Variants in ENTPD3 observed in about 807,000 individuals in gnomAD.
ENTPD3 encodes the protein ectonucleoside triphosphate diphosphohydrolase 3.
ENTPD3 carries 60 observed loss-of-function variants against 51.2 expected under a neutral mutation model. The observed-to-expected ratio is 1.17, with a 90% CI of 0.95 to 1.45. The LOEUF (loss-of-function observed/expected upper bound fraction) is 1.45. Ranked by LOEUF, ENTPD3 falls within the 40% of genes most tolerant of loss-of-function variation. The pLI, the probability that ENTPD3 is intolerant of heterozygous loss-of-function variation, is 0.00. For synonymous variants in ENTPD3, 221 were observed against 238.4 expected (o/e 0.93, Z 0.67); for missense variants, 593 against 641.1 (o/e 0.93, Z 0.81).
intron 4 of ENTPD3, among the ~76,000 whole-genome samples, chr3:40,408,937 T>A (rs1272053398): frequency 6.6e-6 from 1 of 151,932 alleles, no homozygotes; most frequent in African/African-American, 2.4e-5. Context: ...TTTCTTTTTT[T>A]AGGATTAATA....
intron 3 of ENTPD3, among the ~76,000 whole-genome samples, chr3:40,398,669 G>C (rs578017180): frequency 6.6e-6 from 1 of 152,302 alleles, no homozygotes; most frequent in African/African-American, 2.4e-5. Flanking sequence ...AGTGAACACA[G>C]ATGTTCTATT....
intron 4 of ENTPD3, among the ~76,000 whole-genome samples, chr3:40,409,483 T>C (rs1349328660): frequency 6.6e-6 from 1 of 152,208 alleles, no homozygotes. Flanking sequence ...TGAGAAAGCC[T>C]GTCCTTGCTT....
At chr3:40,391,166 A>T (rs964111549) in intron 2 of ENTPD3, 5 of 151,708 alleles carry the variant, frequency 3.3e-5, no homozygotes, top group African/African-American at 9.7e-5. Context: ...GTTTCACCAT[A>T]TTGGCCAGGC....
chr3:40,422,869 ATC>A lies in ENTPD3; in HGVS notation c.854_855del (p.Leu285HisfsTer10). 3 of 1,612,858 alleles carry A rather than the reference ATC, an allele frequency of 1.9e-6. No individual in the cohort carries two copies. The highest frequency in any genetic ancestry group is 2.5e-6 in the Non-Finnish European group (3 of 1,179,856). ...CTACAGAATTCTCCTACCAAAAACC[ATC>A]TCACCAATCCCTGTTACCCTCGGGA... On this transcript the variant is annotated frameshift_variant, in exon 8 of 11. Coordinates refer to ENST00000301825, the MANE Select transcript of ENTPD3 (RefSeq NM_001248.4). LOFTEE classifies it high-confidence loss of function.
intron 3 of ENTPD3, among the ~76,000 whole-genome samples, chr3:40,400,264 CAAAA>C (rs374610863): frequency 2.8e-5 from 2 of 72,594 alleles, no homozygotes; most frequent in Non-Finnish European, 6.9e-5. Context: ...AACTGCATCT[CAAAA>C]AAAAAAAAAA....
Position 40,397,119 on chromosome 3 carries a change from C to CTTTTTTTTTTTTTTTTTTTTTTTTTT in ENTPD3, c.169-3755_169-3754insTTTTTTTTTTTTTTTTTTTTTTTTTT, listed in dbSNP as rs3064608. ...AGAGTAAGAGTTGGATAATTAGTTT[C>CTTTTTTTTTTTTTTTTTTTTTTTTTT]TTTTTTTTTTTTTTTTTTTTCAGAA... On this transcript the variant is annotated intron_variant, in intron 3 of 10. Coordinates refer to ENST00000301825, the MANE Select transcript of ENTPD3 (RefSeq NM_001248.4). Among the ~76,000 whole-genome samples the CTTTTTTTTTTTTTTTTTTTTTTTTTT allele has an allele frequency of 2.0e-5, 2 of 101,242 alleles. 1 individual carries two copies. The highest frequency in any genetic ancestry group is 3.6e-5 in the Non-Finnish European group (2 of 55,062). The allele number at this position is 101,242 out of a possible 152,430, so 66.4% of individuals were successfully genotyped here. A position where few individuals can be genotyped will look rare whatever the true frequency, so the allele number is the denominator to read the frequency against.
At chr3:40,415,087 G>T (rs1196663777) in intron 6 of ENTPD3, among the ~76,000 whole-genome samples, 3 of 152,166 alleles carry the variant, frequency 2.0e-5, no homozygotes, top group African/African-American at 7.2e-5. Flanking sequence ...TAGCTTGTAA[G>T]AAATTGAAGG....
intron 3 of ENTPD3, among the ~76,000 whole-genome samples, chr3:40,395,458 G>A (rs2125589928): frequency 6.6e-6 from 1 of 152,300 alleles, no homozygotes; most frequent in African/African-American, 2.4e-5. Context: ...GATCATCTGG[G>A]GATGATCCCA....
At chr3:40,412,771 T>A (rs1416360510) in intron 5 of ENTPD3, among the ~76,000 whole-genome samples, 1 of 152,180 alleles carries the variant, frequency 6.6e-6, no homozygotes, top group African/African-American at 2.4e-5. Context: ...TTTAACATGA[T>A]AATGAAAAGA....
intron 7 of ENTPD3, among the ~76,000 whole-genome samples, chr3:40,422,156 A>ACC (rs1009787450): frequency 6.6e-5 from 10 of 151,546 alleles, no homozygotes; most frequent in African/African-American, 2.4e-4. Context: ...ACACACACAC[A>ACC]CACCCTTTTC....
chr3:40,422,064 G>A (rs1406093254), intron 7 of ENTPD3, among the ~76,000 whole-genome samples: 1 of 151,942 alleles, frequency 6.6e-6, no homozygotes, highest in Non-Finnish European at 1.5e-5. Context: ...CTGGTTCATA[G>A]GGCTATCATA....
At chr3:40,426,112 T>C (rs1026534115) in intron 10 of ENTPD3, among the ~76,000 whole-genome samples, 5 of 143,374 alleles carry the variant, frequency 3.5e-5, no homozygotes, top group African/African-American at 1.0e-4. Context: ...CTTTTCTTTT[T>C]TTTTTTTTTT....
chr3:40,409,006 C>T (rs961040917), intron 4 of ENTPD3, among the ~76,000 whole-genome samples: 11 of 151,558 alleles, frequency 7.3e-5, no homozygotes, highest in African/African-American at 2.7e-4. Context: ...TCCTGTAATC[C>T]CAGCACTTTG....
chr3:40,402,993 C>A (rs1955403944), intron 4 of ENTPD3, among the ~76,000 whole-genome samples: 1 of 152,076 alleles, frequency 6.6e-6, no homozygotes, highest in Admixed American at 6.6e-5. Context: ...CTGAATGTGC[C>A]CAGTGTATCC....
At chr3:40,415,073 T>C (rs1338746594) in intron 6 of ENTPD3, among the ~76,000 whole-genome samples, 6 of 152,168 alleles carry the variant, frequency 3.9e-5, no homozygotes, top group Non-Finnish European at 7.3e-5. Flanking sequence ...TCTTGTCACT[T>C]TACTAGCTTG....
chr3:40,406,272 TGGA>T (rs1955494428), intron 4 of ENTPD3, among the ~76,000 whole-genome samples: 8 of 152,240 alleles, frequency 5.3e-5, no homozygotes. Context: ...AGGCCAAGCA[TGGA>T]AGCTGCTCAG....
At chr3:40,394,238 C>T (rs560945261) in intron 3 of ENTPD3, 3 of 224,618 alleles carry the variant, frequency 1.3e-5, no homozygotes, top group African/African-American at 7.0e-5. Context: ...CCTCAGCCTC[C>T]CAAGTAGCTA....
chr3:40,411,468 ATT>A (rs1194528268), intron 4 of ENTPD3, among the ~76,000 whole-genome samples: 2 of 152,200 alleles, frequency 1.3e-5, no homozygotes, highest in East Asian at 3.8e-4. Context: ...CAAGTGGAAG[ATT>A]GTATGGATGA....
chr3:40,412,748 C>G (rs998576308), intron 5 of ENTPD3, among the ~76,000 whole-genome samples: 1 of 152,110 alleles, frequency 6.6e-6, no homozygotes, highest in Non-Finnish European at 1.5e-5. Context: ...AAAAAAAGAA[C>G]AAACAGAGCT....
Sources: gnomAD v4.1 joint callset for allele counts (sites outside exome capture counted in the v4.1 genomes callset) on GRCh38, gnomAD v4.1.1 for gene constraint, MANE v1.5 for transcripts, NCBI Gene and HGNC (gene_info 2026-07-23, HGNC 2026-07-21) for gene names.